LRBA: variants seen among roughly 807,000 people sequenced by gnomAD.
The protein encoded by LRBA is lipopolysaccharide-responsive and beige-like anchor protein.
Under a neutral mutation model 330.0 loss-of-function variants are expected in LRBA, and 176 were observed. The observed-to-expected ratio is 0.53, with a 90% CI of 0.47 to 0.60. LRBA has a LOEUF of 0.60. Among genes scored for constraint, LRBA ranks in the 20% least tolerant of loss-of-function variants. The probability of loss-of-function intolerance (pLI) is 0.00; values close to 1 mark genes in which losing one functional copy is unlikely to be tolerated. For missense variants in LRBA, 3,259 were observed against 3,444.8 expected (o/e 0.95, Z 1.35); for synonymous variants, 1,230 against 1,193.0 (o/e 1.03, Z -0.64).
chr4:151,007,843 C>G (rs1295323618), intron 2 of LRBA, among the ~76,000 whole-genome samples: 1 of 117,258 alleles, frequency 8.5e-6, no homozygotes, highest in Non-Finnish European at 1.7e-5. Context: ...GGCCACAGAG[C>G]AAGACTCCAT....
At chr4:150,858,180 T>C (rs1751446685) in intron 22 of LRBA, among the ~76,000 whole-genome samples, 1 of 152,122 alleles carries the variant, frequency 6.6e-6, no homozygotes, top group Admixed American at 6.6e-5. Flanking sequence ...TGCTATTTGG[T>C]TTCAAAATGT....
At chr4:150,304,497 T>C (rs1428662664) in intron 52 of LRBA, among the ~76,000 whole-genome samples, 1 of 151,502 alleles carries the variant, frequency 6.6e-6, no homozygotes. Context: ...ACTAATATAG[T>C]ACTTTTTTTC....
chr4:150,514,472 T>C (rs1250845916), intron 40 of LRBA, among the ~76,000 whole-genome samples: 1 of 152,038 alleles, frequency 6.6e-6, no homozygotes, highest in Non-Finnish European at 1.5e-5. Flanking sequence ...GCCCCTGTGG[T>C]TTTATCTGCA....
At chr4:150,502,758 G>T (rs1254235119) in intron 40 of LRBA, among the ~76,000 whole-genome samples, 1 of 152,238 alleles carries the variant, frequency 6.6e-6, no homozygotes, top group Admixed American at 6.5e-5. Flanking sequence ...GCAAGGCATT[G>T]CCTTACCCGA....
At chr4:150,765,351 G>T (rs1735627614) in intron 34 of LRBA, among the ~76,000 whole-genome samples, 1 of 152,066 alleles carries the variant, frequency 6.6e-6, no homozygotes, top group South Asian at 2.1e-4. Context: ...CTACACATTT[G>T]TCTAAACTCA....
At chr4:150,990,387 T>C (rs1015563676) in intron 2 of LRBA, among the ~76,000 whole-genome samples, 2 of 152,202 alleles carry the variant, frequency 1.3e-5, no homozygotes, top group Non-Finnish European at 2.9e-5. Context: ...TGAAGTTCAC[T>C]GTACAAATAC....
At chr4:150,664,619 A>G (rs1456940480) in intron 37 of LRBA, among the ~76,000 whole-genome samples, 1 of 152,228 alleles carries the variant, frequency 6.6e-6, no homozygotes, top group Non-Finnish European at 1.5e-5. Context: ...TGACACAGGA[A>G]TTAACATTGC....
At chr4:150,712,308 C>T (rs12499833) in intron 36 of LRBA, among the ~76,000 whole-genome samples, 133,007 of 152,144 alleles carry the variant, frequency 0.87, 58,538 homozygotes, top group Non-Finnish European at 0.94. Flanking sequence ...CCATCCTCAA[C>T]GTTTGAGTAT....
At chr4:150,279,697 C>A (rs1580881360) in intron 55 of LRBA, among the ~76,000 whole-genome samples, 1 of 152,308 alleles carries the variant, frequency 6.6e-6, no homozygotes, top group East Asian at 1.9e-4. Flanking sequence ...GAAATAAAAA[C>A]CCATGTGTGG....
intron 37 of LRBA, among the ~76,000 whole-genome samples, chr4:150,650,923 A>T (rs551958516): frequency 1.3e-5 from 2 of 152,284 alleles, no homozygotes; most frequent in Admixed American, 6.5e-5. Context: ...ACTGTGACTA[A>T]ATGGGATTAA....
chr4:150,324,764 C>T (rs963765053), intron 49 of LRBA, among the ~76,000 whole-genome samples: 10 of 152,092 alleles, frequency 6.6e-5, no homozygotes, highest in Admixed American at 1.3e-4. Context: ...ATTATATTTA[C>T]GGGAACAGAC....
intron 47 of LRBA, among the ~76,000 whole-genome samples, chr4:150,406,382 C>T (rs890918172): frequency 6.6e-6 from 1 of 152,118 alleles, no homozygotes; most frequent in African/African-American, 2.4e-5. Flanking sequence ...TGTGAATAAA[C>T]ACTTCAAATG....
intron 2 of LRBA, among the ~76,000 whole-genome samples, chr4:150,963,310 C>A (rs956767427): frequency 6.7e-6 from 1 of 149,140 alleles, no homozygotes; most frequent in Non-Finnish European, 1.5e-5. Context: ...CTCAGCCTGC[C>A]GAGTGCCTGG....
chr4:150,308,272 T>C (rs914204213), intron 52 of LRBA, among the ~76,000 whole-genome samples: 8 of 152,210 alleles, frequency 5.3e-5, no homozygotes, highest in Non-Finnish European at 7.3e-5. Context: ...GGTCCCATGA[T>C]ATTATAATGA....
At chr4:150,817,499 T>A (rs1002275043) in intron 30 of LRBA, among the ~76,000 whole-genome samples, 1 of 152,026 alleles carries the variant, frequency 6.6e-6, no homozygotes, top group African/African-American at 2.4e-5. Flanking sequence ...ATTTACCACA[T>A]AGTATTTTTA....
At chr4:150,823,698 C>G (rs936180991) in intron 30 of LRBA, among the ~76,000 whole-genome samples, 3 of 152,094 alleles carry the variant, frequency 2.0e-5, no homozygotes. Flanking sequence ...TTACTCAGTA[C>G]CACTGAGAAG....
intron 47 of LRBA, among the ~76,000 whole-genome samples, chr4:150,387,556 A>C (rs1223452972): frequency 1.3e-5 from 2 of 152,300 alleles, no homozygotes; most frequent in East Asian, 3.9e-4. Context: ...TATAAGATTG[A>C]TGTTATGAAA....
intron 37 of LRBA, among the ~76,000 whole-genome samples, chr4:150,655,180 T>C (rs1780066540): frequency 6.6e-6 from 1 of 152,228 alleles, no homozygotes; most frequent in African/African-American, 2.4e-5. Flanking sequence ...AGTTTTAGGT[T>C]AAACTTTCCA....
chr4:150,616,442 TAC>T (rs1277237294), intron 37 of LRBA, among the ~76,000 whole-genome samples: 1 of 151,934 alleles, frequency 6.6e-6, no homozygotes, highest in Non-Finnish European at 1.5e-5. Flanking sequence ...ACAAGAAAAA[TAC>T]AGTGTCCCAG....
Sources: allele counts gnomAD v4.1 joint callset (sites outside exome capture counted in the v4.1 genomes callset), GRCh38; gene constraint gnomAD v4.1.1; transcripts MANE v1.5; gene names NCBI Gene and HGNC (gene_info 2026-07-23, HGNC 2026-07-21).